The following PDZRN4 variants were observed in gnomAD, a reference collection of about 807,000 sequenced individuals.
PDZRN4 encodes the protein PDZ domain containing ring finger 4, also known as PDZ domain-containing RING finger protein 4.
Under a neutral mutation model 99.0 loss-of-function variants are expected in PDZRN4, and 70 were observed. The ratio of observed to expected loss-of-function variants is 0.71; its 90% confidence interval spans 0.58 to 0.86. The LOEUF (loss-of-function observed/expected upper bound fraction) is 0.86, where lower values mean the gene tolerates loss of function less well. Among genes scored for constraint, PDZRN4 ranks in the 40% least tolerant of loss-of-function variants. PDZRN4 has a pLI of 0.00. For synonymous variants in PDZRN4, 551 were observed against 501.6 expected, an observed-to-expected ratio of 1.10 and a Z score of -1.32; for missense variants, 1,474 against 1,331.2, an observed-to-expected ratio of 1.11 and a Z score of -1.67.
At chr12:41,433,313 A>C (rs2120444644) in intron 3 of PDZRN4, among the ~76,000 whole-genome samples, 1 of 152,306 alleles carries the variant, frequency 6.6e-6, no homozygotes, top group East Asian at 1.9e-4. Context: ...TTAGAGATTG[A>C]ATTCCACCAC....
intron 3 of PDZRN4, among the ~76,000 whole-genome samples, chr12:41,305,725 G>C (rs2120938953): frequency 6.6e-6 from 1 of 152,252 alleles, no homozygotes; most frequent in Admixed American, 6.5e-5. Flanking sequence ...TTGTTTGTGG[G>C]GGGACATGAG....
intron 3 of PDZRN4, among the ~76,000 whole-genome samples, chr12:41,276,288 A>C (rs529847057): frequency 6.6e-6 from 1 of 152,248 alleles, no homozygotes; most frequent in East Asian, 1.9e-4. Context: ...ACAGGGACCT[A>C]ATACAAGAAA....
intron 3 of PDZRN4, among the ~76,000 whole-genome samples, chr12:41,346,394 G>A (rs10880051): frequency 0.39 from 58,563 of 151,982 alleles, 11,371 homozygotes; most frequent in African/African-American, 0.41. Flanking sequence ...CCTGGGAGGC[G>A]GAGCTTGCAG....
intron 3 of PDZRN4, among the ~76,000 whole-genome samples, chr12:41,280,675 T>C (rs1951378104): frequency 6.6e-6 from 1 of 152,150 alleles, no homozygotes; most frequent in African/African-American, 2.4e-5. Context: ...TCCTCCTCTC[T>C]GGGCAGGGCA....
At chr12:41,558,024 T>C (rs1333646043) in intron 7 of PDZRN4, among the ~76,000 whole-genome samples, 1 of 152,196 alleles carries the variant, frequency 6.6e-6, no homozygotes, top group Admixed American at 6.5e-5. Flanking sequence ...GTTGAAAGGC[T>C]TTGCTTGTAC....
intron 8 of PDZRN4, among the ~76,000 whole-genome samples, chr12:41,564,201 T>C (rs1438908324): frequency 1.3e-5 from 2 of 152,242 alleles, no homozygotes; most frequent in Non-Finnish European, 2.9e-5. Flanking sequence ...TTAGAATGTC[T>C]TGTATAGCAT....
At chr12:41,294,902 A>G (rs1286989031) in intron 3 of PDZRN4, among the ~76,000 whole-genome samples, 1 of 152,180 alleles carries the variant, frequency 6.6e-6, no homozygotes, top group Admixed American at 6.6e-5. Context: ...GAAATTATCA[A>G]GTAAATGAAC....
rs1952421382 is a variant in PDZRN4, at chr12:41,414,020, TC to T, written c.844-92433del. Among the ~76,000 whole-genome samples the T allele has an allele frequency of 1.3e-5, 2 of 152,156 alleles. 1 individual carries two copies. The highest frequency in any genetic ancestry group is 2.9e-5 in the Non-Finnish European group (2 of 68,022). ...TAAGACTGGTCTAGTGGTAATAATT[TC>T]CCTTAATGATTGCTTGTCTGAAAAA... On this transcript the variant is annotated intron_variant, in intron 3 of 9. Transcript: ENST00000402685.
chr12:41,353,043 G>A (rs940283672), intron 3 of PDZRN4, among the ~76,000 whole-genome samples: 27 of 151,986 alleles, frequency 1.8e-4, no homozygotes, highest in African/African-American at 6.5e-4. Flanking sequence ...GTAGATCTGG[G>A]AAAACGAAGA....
At chr12:41,258,349 A>G (rs1248615619) in intron 3 of PDZRN4, among the ~76,000 whole-genome samples, 1 of 152,156 alleles carries the variant, frequency 6.6e-6, no homozygotes, top group South Asian at 2.1e-4. Context: ...AGGAGGGAGG[A>G]AAGGAGAGAA....
intron 3 of PDZRN4, among the ~76,000 whole-genome samples, chr12:41,240,681 T>C (rs1399264877): frequency 6.6e-6 from 1 of 152,198 alleles, no homozygotes; most frequent in Non-Finnish European, 1.5e-5. Flanking sequence ...TGCTGGCAGA[T>C]GCGGTGTCTG....
At chr12:41,299,224 TTTCTCTGAAATG>T (rs1951516125) in intron 3 of PDZRN4, among the ~76,000 whole-genome samples, 1 of 152,048 alleles carries the variant, frequency 6.6e-6, no homozygotes, top group South Asian at 2.1e-4. Flanking sequence ...AGTCAAAAAC[TTTCTCTGAAATG>T]TTCTTGTTTT....
chr12:41,478,928 A>G (rs1257342513), intron 3 of PDZRN4, among the ~76,000 whole-genome samples: 1 of 152,220 alleles, frequency 6.6e-6, no homozygotes, highest in East Asian at 1.9e-4. Flanking sequence ...GAGATGTTCC[A>G]AATCAAAATT....
At chr12:41,409,561 C>G (rs1165307494) in intron 3 of PDZRN4, 1 of 152,108 alleles carries the variant, frequency 6.6e-6, no homozygotes, top group Non-Finnish European at 1.5e-5. Context: ...TTATTTAACA[C>G]TTTATAAATG....
At chr12:41,270,377 C>A (rs1367286987) in intron 3 of PDZRN4, among the ~76,000 whole-genome samples, 2 of 148,434 alleles carry the variant, frequency 1.3e-5, no homozygotes, top group Non-Finnish European at 3.0e-5. Context: ...ATGCATGTAA[C>A]CTGGCCATAA....
rs145325374 is a variant in PDZRN4 at position 41,310,171 on chromosome 12, G to A, written c.843+115983G>A. Among the ~76,000 whole-genome samples the A allele has an allele frequency of 1.8e-3, 275 of 152,150 alleles. 2 individuals are homozygous for A. The East Asian group carries it at 0.02, about 11-fold the overall frequency. On this transcript the variant is annotated intron_variant, in intron 3 of 9. Transcript: ENST00000402685. ...TGGTCTTGAACTACTGACCTCAAGCGATCCACCCGCCTTGGCCTCCCAAAG... is the reference window on the plus strand; with the variant it reads ...TGGTCTTGAACTACTGACCTCAAGCAATCCACCCGCCTTGGCCTCCCAAAG...
chr12:41,303,593 G>A (rs1951551313), intron 3 of PDZRN4, among the ~76,000 whole-genome samples: 1 of 152,106 alleles, frequency 6.6e-6, no homozygotes, highest in African/African-American at 2.4e-5. Flanking sequence ...AATATATATT[G>A]TGTTTTATTT....
In PDZRN4 at chr12:41,305,160, G is replaced by T. The variant is rs944096465; in HGVS notation, c.843+110972G>T. 5.9e-5 allele frequency among the ~76,000 whole-genome samples: 9 copies of T among 152,096 alleles called. No homozygotes were observed. In the East Asian group the frequency reaches 7.7e-4, roughly 13 times the overall value. On this transcript the variant is annotated intron_variant, in intron 3 of 9. Transcript: ENST00000402685. ...GTTTTGTGTTAGAAAAATCATTCGG[G>T]TGTTTTGCTTCCTATTCAAAGTGGC... is the stretch of plus-strand genomic sequence containing the variant.
rs535060449 is a variant in PDZRN4 at position 41,422,155 on chromosome 12, C to T, written c.844-84301C>T. ...GTAATTTTATTCTCACTGATTTGTA[C>T]ACCATATCATATGCTATACCTAGGG... On this transcript the variant is annotated intron_variant, in intron 3 of 9. Coordinates refer to ENST00000402685, the MANE Select transcript of PDZRN4 (RefSeq NM_001164595.2). Among the ~76,000 whole-genome samples, 46 of 152,208 alleles carry T rather than the reference C, an allele frequency of 3.0e-4. 1 individual carries two copies. In the South Asian group the frequency reaches 9.3e-3, roughly 31 times the overall value.
Sources: gnomAD v4.1 joint callset for allele counts (sites outside exome capture counted in the v4.1 genomes callset) on GRCh38, gnomAD v4.1.1 for gene constraint, MANE v1.5 for transcripts, NCBI Gene and HGNC (gene_info 2026-07-23, HGNC 2026-07-21) for gene names.